The following SPATA22 variants were observed in gnomAD, a reference collection of about 807,000 sequenced individuals.
SPATA22 encodes the protein spermatogenesis associated 22.
A neutral mutation model predicts 47.8 loss-of-function variants in SPATA22; 29 were observed. The ratio of observed to expected loss-of-function variants is 0.61; its 90% CI spans 0.45 to 0.83. The LOEUF (loss-of-function observed/expected upper bound fraction) is 0.83, where lower values mean the gene tolerates loss of function less well. Ranked by LOEUF, SPATA22 falls within the 40% of genes least tolerant of loss-of-function variation. The pLI is 0.00. For missense variants in SPATA22, 410 were observed against 421.7 expected, an observed-to-expected ratio of 0.97 and a Z score of 0.24; for synonymous variants, 133 against 140.9, an observed-to-expected ratio of 0.94 and a Z score of 0.40.
At chr17:3,448,724 C>G in intron 6 of SPATA22, 83 bp downstream of exon 6, 3 of 997,138 alleles carry the variant, frequency 3.0e-6, no homozygotes, top group Non-Finnish European at 4.3e-6. Flanking sequence ...ATTTCAGGCG[C>G]TCTTATCTCT....
At chr17:3,471,834 C>T (rs2073445447), upstream of SPATA22, 1 of 985,008 alleles carries the variant, frequency 1.0e-6, no homozygotes, top group Non-Finnish European at 1.2e-6. Context: ...TGTTCGCAGG[C>T]GCCGTGGACC....
intron 5 of SPATA22, among the ~76,000 whole-genome samples, chr17:3,460,885 A>C (rs1377176147): frequency 6.6e-6 from 1 of 152,106 alleles, no homozygotes; most frequent in Non-Finnish European, 1.5e-5. Context: ...CTAAAAGTAC[A>C]AGCTCAATGT....
At chr17:3,447,569 A>G (rs1452441608) in intron 6 of SPATA22, among the ~76,000 whole-genome samples, 6 of 152,188 alleles carry the variant, frequency 3.9e-5, no homozygotes, top group Non-Finnish European at 7.3e-5. Context: ...TATTTCCAAC[A>G]AAAAACAAAA....
At chr17:3,454,020 A>T (rs965573482) in intron 5 of SPATA22, among the ~76,000 whole-genome samples, 2 of 152,158 alleles carry the variant, frequency 1.3e-5, no homozygotes, top group Non-Finnish European at 2.9e-5. Context: ...AAATGAATTC[A>T]GTAAAATTGC....
intron 3 of SPATA22, among the ~76,000 whole-genome samples, chr17:3,463,215 C>T (rs2073169979): frequency 6.6e-6 from 1 of 152,206 alleles, no homozygotes; most frequent in African/African-American, 2.4e-5. Flanking sequence ...GTGATACACA[C>T]TGACACAGTC....
intron 3 of SPATA22, among the ~76,000 whole-genome samples, chr17:3,464,871 C>A (rs2073246681): frequency 8.5e-6 from 1 of 117,510 alleles, no homozygotes; most frequent in Admixed American, 7.8e-5. Flanking sequence ...CGGCAGCCAC[C>A]CCGTCTGGGA....
At chr17:3,501,959 A>C (rs112782202) in intron 1 of SPATA22, 127,102 of 149,548 alleles carry the variant, frequency 0.85, 54,518 homozygotes, top group Non-Finnish European at 0.91. Context: ...TCTCAAAAAA[A>C]AAAAAAAAAA....
At chr17:3,463,963 GCCTCTCCCTCTC>G (rs1403936430) in intron 3 of SPATA22, among the ~76,000 whole-genome samples, 1 of 40,398 alleles carries the variant, frequency 2.5e-5, no homozygotes, top group South Asian at 8.1e-4. Flanking sequence ...CTCTCCCTCT[GCCTCTCCCTCTC>G]CCTCTCCCCA....
intron 5 of SPATA22, among the ~76,000 whole-genome samples, chr17:3,450,697 A>G (rs559918833): frequency 1.3e-5 from 2 of 152,366 alleles, no homozygotes; most frequent in African/African-American, 4.8e-5. Flanking sequence ...TCTCATGGTT[A>G]TAGAAATTAC....
chr17:3,458,625 A>C (rs2073048531), intron 5 of SPATA22, among the ~76,000 whole-genome samples: 1 of 151,892 alleles, frequency 6.6e-6, no homozygotes, highest in Admixed American at 6.6e-5. Context: ...GGTGGATCAC[A>C]TGAGGTCAGG....
At chr17:3,452,275 A>G (rs1253167807) in intron 5 of SPATA22, among the ~76,000 whole-genome samples, 1 of 151,392 alleles carries the variant, frequency 6.6e-6, no homozygotes, top group Admixed American at 6.6e-5. Context: ...AGAAATAAAT[A>G]AAATAGAGAA....
At chr17:3,501,335 A>T (rs375618633) in intron 1 of SPATA22, 2 of 152,194 alleles carry the variant, frequency 1.3e-5, no homozygotes, top group East Asian at 3.8e-4. Flanking sequence ...ATCAACATTA[A>T]CAGGAGTTTG....
In SPATA22 at chr17:3,484,727, CACTT is replaced by C. The variant is rs144241383; in HGVS notation, c.-73-15333_-73-15330del. Among the ~76,000 whole-genome samples, 746 of 152,318 alleles carry C rather than the reference CACTT, an allele frequency of 4.9e-3. 7 individuals carry two copies. The highest frequency in any genetic ancestry group is 8.1e-3 in the Non-Finnish European group (554 of 68,028). On this transcript the variant is annotated intron_variant, in intron 1 of 8. Coordinates refer to the SPATA22 transcript ENST00000541913. ...TCAAATTGCTATAAAAGTTTCTAAA[CACTT>C]ACTTTAATTTCTGTACATATCTCGC... is the stretch of plus-strand genomic sequence containing the variant.
chr17:3,485,933 C>A lies in SPATA22; in HGVS notation c.-73-16535G>T, dbSNP rs867725786. Among the ~76,000 whole-genome samples the A allele has an allele frequency of 6.0e-4, 58 of 96,282 alleles. No individual in the cohort carries two copies. The highest frequency in any genetic ancestry group is 4.6e-4 in the Admixed American group (4 of 8,662). The allele number at this position is 96,282 out of a possible 152,430, so 63.2% of individuals were successfully genotyped here. A position where few individuals can be genotyped will look rare whatever the true frequency, so the allele number is the denominator to read the frequency against. On this transcript the variant is annotated intron_variant, in intron 1 of 8. Transcript: ENST00000541913. The surrounding 1 kb of genome is among the most constrained non-coding windows in gnomAD (Gnocchi z 4.4). Reference sequence around the variant, plus strand: ...CCAGTGGTTGCATTCTAGGAGGGAACCTTTTTTTTTTTTTTTGAGACGGAG... The same window carrying A: ...CCAGTGGTTGCATTCTAGGAGGGAAACTTTTTTTTTTTTTTTGAGACGGAG...
intron 1 of SPATA22, among the ~76,000 whole-genome samples, chr17:3,479,350 C>T (rs1023121893): frequency 9.2e-5 from 14 of 152,142 alleles, no homozygotes; most frequent in Admixed American, 6.5e-4. Flanking sequence ...CCAAAATTGT[C>T]GGGCGCGACC....
chr17:3,455,794 C>T (rs1206440150), intron 5 of SPATA22, among the ~76,000 whole-genome samples: 1 of 149,954 alleles, frequency 6.7e-6, no homozygotes, highest in Non-Finnish European at 1.5e-5. Context: ...TTTTTGGTTC[C>T]ATATGAACTT....
At chr17:3,473,332 TTATG>T (rs1336768992), upstream of SPATA22, among the ~76,000 whole-genome samples, 8 of 152,294 alleles carry the variant, frequency 5.3e-5, no homozygotes, top group Admixed American at 3.3e-4. Context: ...GAACATCACA[TTATG>T]TATGAGACAT....
intron 5 of SPATA22, among the ~76,000 whole-genome samples, chr17:3,451,970 C>A (rs3134923): frequency 1 from 150,575 of 150,584 alleles, 75,283 homozygotes; most frequent in Middle Eastern, 1. Context: ...AAAAAGAAAA[C>A]CAGAAAAGAA....
At chr17:3,475,639 A>G (rs1267934185), upstream of SPATA22, 1 of 163,172 alleles carries the variant, frequency 6.1e-6, no homozygotes, top group Non-Finnish European at 1.3e-5. Flanking sequence ...GGTGAGATTC[A>G]AATGCCCTCA....
Sources: gnomAD v4.1 joint callset for allele counts (sites outside exome capture counted in the v4.1 genomes callset) on GRCh38, gnomAD v4.1.1 for gene constraint, Gnocchi (gnomAD v3.1) non-coding constraint, MANE v1.5 for transcripts, NCBI Gene and HGNC (gene_info 2026-07-23, HGNC 2026-07-21) for gene names.